Variants in MLIP observed in about 807,000 individuals in gnomAD.
MLIP encodes the protein muscular LMNA interacting protein, also known as muscular LMNA-interacting protein.
A neutral mutation model predicts 84.8 loss-of-function variants in MLIP; 79 were observed. The observed-to-expected ratio is 0.93, with a 90% confidence interval of 0.78 to 1.12. MLIP has a LOEUF of 1.12. Among genes scored for constraint, MLIP ranks in the 50% most tolerant of loss-of-function variants. The probability of loss-of-function intolerance (pLI) is 0.00; values close to 1 mark genes in which losing one functional copy is unlikely to be tolerated. For missense variants in MLIP, 1,257 were observed against 1,160.6 expected (o/e 1.08, Z -1.21); for synonymous variants, 504 against 463.0 (o/e 1.09, Z -1.14).
rs151277599 is a variant in MLIP, at chr6:54,099,826, T to C, written c.64-21621T>C. The stretch of plus-strand genomic sequence containing the variant: ...CTTGCTTTCCATGTAGACTTATCAA[T>C]TAACAAAATCATAACTGAGAATACA... On this transcript the variant is annotated intron_variant, in intron 1 of 12. Transcript: ENST00000274897. Among the ~76,000 whole-genome samples the C allele has an allele frequency of 3.5e-3, 535 of 152,200 alleles. 3 individuals carry two copies. Among genetic ancestry groups the C allele is most frequent in the African/African-American group, 0.012 (514 of 41,528 alleles).
intron 9 of MLIP, among the ~76,000 whole-genome samples, chr6:54,178,921 T>C (rs1210076537): frequency 5.9e-5 from 9 of 152,218 alleles, no homozygotes; most frequent in African/African-American, 2.2e-4. Context: ...ATTTGGTCTA[T>C]AGTGCAGATT....
chr6:54,121,072 C>T (rs1183903256), intron 1 of MLIP, among the ~76,000 whole-genome samples: 3 of 151,976 alleles, frequency 2.0e-5, no homozygotes, highest in Admixed American at 6.5e-5. Flanking sequence ...ATAAATTGAA[C>T]CGGCTAACCC....
At chr6:54,092,317 C>A (rs1254646237) in intron 1 of MLIP, among the ~76,000 whole-genome samples, 2 of 152,040 alleles carry the variant, frequency 1.3e-5, no homozygotes, top group Non-Finnish European at 1.5e-5. Flanking sequence ...TAATTATTGG[C>A]CTAGCAATAG....
chr6:54,063,392 A>T (rs1412750031), intron 1 of MLIP: 1 of 151,890 alleles, frequency 6.6e-6, no homozygotes, highest in Non-Finnish European at 1.5e-5. Context: ...TACTTGAAAA[A>T]TTAATTGCTG....
chr6:54,247,658 G>A (rs1233039086), intron 12 of MLIP, among the ~76,000 whole-genome samples: 1 of 152,138 alleles, frequency 6.6e-6, no homozygotes, highest in African/African-American at 2.4e-5. Flanking sequence ...GGAGGAATGT[G>A]GCCCAATGCC....
chr6:54,132,657 C>G (rs781657036), intron 3 of MLIP, among the ~76,000 whole-genome samples: 1 of 152,066 alleles, frequency 6.6e-6, no homozygotes, highest in Admixed American at 6.6e-5. Flanking sequence ...GTCCAAACAA[C>G]AACAACAAAA....
chr6:54,224,023 A>T (rs183622299), intron 11 of MLIP, among the ~76,000 whole-genome samples: 2 of 152,152 alleles, frequency 1.3e-5, no homozygotes, highest in African/African-American at 2.4e-5. Context: ...TTAAAAACAA[A>T]AATAAAACAA....
At chr6:54,191,172 G>A (rs1049844540) in intron 10 of MLIP, among the ~76,000 whole-genome samples, 1 of 152,118 alleles carries the variant, frequency 6.6e-6, no homozygotes, top group Non-Finnish European at 1.5e-5. Flanking sequence ...TCACTAAAAT[G>A]ATGGAAATTT....
intron 2 of MLIP, among the ~76,000 whole-genome samples, chr6:54,121,859 T>G (rs1038151893): frequency 7.2e-5 from 11 of 152,322 alleles, no homozygotes; most frequent in African/African-American, 2.6e-4. Context: ...TCCTGGCACA[T>G]TCTCTCAAAT....
intron 12 of MLIP, among the ~76,000 whole-genome samples, chr6:54,246,898 T>C (rs147430468): frequency 6.6e-6 from 1 of 152,262 alleles, no homozygotes; most frequent in Non-Finnish European, 1.5e-5. Flanking sequence ...ATTATGGTTA[T>C]AGTTTCTCTC....
chr6:54,217,196 T>G (rs977545419), intron 11 of MLIP: 2 of 985,236 alleles, frequency 2.0e-6, no homozygotes, highest in Non-Finnish European at 2.4e-6. Flanking sequence ...AACCGCAGCG[T>G]GAAGAGGGGA....
intron 9 of MLIP, among the ~76,000 whole-genome samples, chr6:54,179,150 A>G (rs1019979654): frequency 6.6e-5 from 10 of 152,104 alleles, no homozygotes; most frequent in Non-Finnish European, 1.2e-4. Context: ...TTATATAATG[A>G]CATTCTTTGT....
At chr6:54,244,554 A>G (rs1025161359) in intron 12 of MLIP, among the ~76,000 whole-genome samples, 19 of 152,180 alleles carry the variant, frequency 1.2e-4, no homozygotes, top group African/African-American at 4.3e-4. Flanking sequence ...TTTTAAGAGA[A>G]GTGGTTTTGC....
intron 11 of MLIP, among the ~76,000 whole-genome samples, chr6:54,209,040 T>C (rs1411386175): frequency 6.6e-6 from 1 of 152,080 alleles, no homozygotes; most frequent in Non-Finnish European, 1.5e-5. Flanking sequence ...ATAATGAAAA[T>C]TGGGGGTATT....
At chr6:54,262,699 A>G (rs1006517673) in intron 13 of MLIP, among the ~76,000 whole-genome samples, 5 of 152,060 alleles carry the variant, frequency 3.3e-5, no homozygotes, top group African/African-American at 1.2e-4. Flanking sequence ...GGGCCTGACA[A>G]AAGGCCCACC....
intron 12 of MLIP, among the ~76,000 whole-genome samples, chr6:54,256,148 A>T (rs9474777): frequency 0.033 from 4,954 of 152,192 alleles, 211 homozygotes; most frequent in East Asian, 0.2. Context: ...TACCCAAAGG[A>T]TTTTATAGTT....
intron 4 of MLIP, among the ~76,000 whole-genome samples, chr6:54,142,516 G>A (rs1772404547): frequency 6.6e-6 from 1 of 152,162 alleles, no homozygotes; most frequent in Non-Finnish European, 1.5e-5. Context: ...TGCTTGACAG[G>A]TACAAAGAAC....
At position 54,066,255 on chromosome 6, in the gene MLIP, G is replaced by T. The variant is rs1239710845; in HGVS notation, c.63+47164G>T. Reference sequence around the variant, plus strand: ...TATGTATCAGGATACATATGAGCCTGCATGTGCACACACACACAGCCAGGT... The same window carrying T: ...TATGTATCAGGATACATATGAGCCTTCATGTGCACACACACACAGCCAGGT... On this transcript the variant is annotated intron_variant, in intron 1 of 12. Transcript: ENST00000274897. 3.0e-5 allele frequency among the ~76,000 whole-genome samples: 3 copies of T among 99,622 alleles called. 1 individual carries two copies. Among genetic ancestry groups the T allele is most frequent in the Non-Finnish European group, 8.7e-5 (3 of 34,608 alleles). 65.4% of individuals were successfully genotyped at this position (99,622 alleles called of 152,430 possible).
At chr6:54,153,741 A>C (rs2150537278) in intron 5 of MLIP, among the ~76,000 whole-genome samples, 1 of 150,250 alleles carries the variant, frequency 6.7e-6, no homozygotes, top group East Asian at 2.0e-4. Context: ...AATCCCAGCG[A>C]CTCCAGGGGC....
Sources: gnomAD v4.1 joint callset for allele counts (sites outside exome capture counted in the v4.1 genomes callset) on GRCh38, gnomAD v4.1.1 for gene constraint, MANE v1.5 for transcripts, NCBI Gene and HGNC (gene_info 2026-07-23, HGNC 2026-07-21) for gene names.